EPRS1: variants seen among roughly 807,000 people sequenced by gnomAD.
The protein encoded by EPRS1 is bifunctional glutamate/proline--tRNA ligase.
Under a neutral mutation model 188.3 loss-of-function variants are expected in EPRS1, and 107 were observed. The ratio of observed to expected loss-of-function variants is 0.57; its 90% CI spans 0.49 to 0.67. EPRS1 has a LOEUF of 0.67. Ranked by LOEUF, EPRS1 falls within the 30% of genes least tolerant of loss-of-function variation. The pLI is 0.00. For missense variants in EPRS1, 1,577 were observed against 1,802.2 expected (o/e 0.88, Z 2.26); for synonymous variants, 596 against 593.1 (o/e 1.00, Z -0.07).
At chr1:220,038,395 T>TTTTTTC (rs1662229072) in intron 2 of EPRS1, among the ~76,000 whole-genome samples, 1 of 140,512 alleles carries the variant, frequency 7.1e-6, no homozygotes, top group Admixed American at 7.1e-5. Context: ...TTTATCTTTT[T>TTTTTTC]TTTTTTTTTT....
chr1:219,975,247 C>G (rs796222035), intron 28 of EPRS1, among the ~76,000 whole-genome samples: 4 of 152,158 alleles, frequency 2.6e-5, no homozygotes, highest in African/African-American at 9.6e-5. Context: ...ACAGAGCCCA[C>G]GAGGGATAAG....
At chr1:220,028,998 T>C (rs1053989802) in intron 6 of EPRS1, among the ~76,000 whole-genome samples, 6 of 152,128 alleles carry the variant, frequency 3.9e-5, no homozygotes, top group Non-Finnish European at 5.9e-5. Context: ...TATTATACTG[T>C]AAATATACAA....
chr1:220,037,662 A>C (rs1662212987), intron 2 of EPRS1, among the ~76,000 whole-genome samples: 1 of 152,132 alleles, frequency 6.6e-6, no homozygotes, highest in Non-Finnish European at 1.5e-5. Flanking sequence ...AGGATTTCCA[A>C]GTTTCCACAA....
chr1:220,006,871 A>G (rs1558053104), intron 14 of EPRS1, among the ~76,000 whole-genome samples: 1 of 152,258 alleles, frequency 6.6e-6, no homozygotes, highest in Admixed American at 6.5e-5. Context: ...TGTTATACAT[A>G]TAAATTCTGT....
intron 3 of EPRS1, among the ~76,000 whole-genome samples, chr1:220,034,291 T>C (rs1004096691): frequency 2.6e-5 from 4 of 152,158 alleles, no homozygotes; most frequent in African/African-American, 4.8e-5. Context: ...AACTTGCCAG[T>C]ATAGGTTTGT....
intron 28 of EPRS1, among the ~76,000 whole-genome samples, chr1:219,975,112 CAAA>C (rs1660751766): frequency 6.6e-6 from 1 of 152,058 alleles, no homozygotes; most frequent in Non-Finnish European, 1.5e-5. Flanking sequence ...GGCATGATGG[CAAA>C]ATGCAATAGG....
chr1:220,018,162 A>G, intron 12 of EPRS1: 2 of 1,383,138 alleles, frequency 1.4e-6, no homozygotes, highest in Non-Finnish European at 1.9e-6. Context: ...AAGCAGAAAA[A>G]TGAAATGCAG....
intron 16 of EPRS1, among the ~76,000 whole-genome samples, chr1:220,004,926 G>C (rs973762867): frequency 2.0e-5 from 3 of 151,876 alleles, no homozygotes; most frequent in African/African-American, 7.3e-5. Context: ...CAAAGAAAAA[G>C]ATAATGGTAA....
At chr1:220,004,182 C>T (rs1186663971) in intron 16 of EPRS1, among the ~76,000 whole-genome samples, 2 of 152,058 alleles carry the variant, frequency 1.3e-5, no homozygotes, top group African/African-American at 4.8e-5. Context: ...TGTGTACCAC[C>T]ATGCCTGGTT....
At chr1:220,019,900 A>T in intron 10 of EPRS1, 88 bp downstream of exon 10, 1 of 882,674 alleles carries the variant, frequency 1.1e-6, no homozygotes, top group Non-Finnish European at 1.8e-6. Context: ...CCTCCTCCCA[A>T]TCACCTTCCC....
intron 18 of EPRS1, among the ~76,000 whole-genome samples, chr1:219,996,637 A>T (rs6669531): frequency 6.6e-6 from 1 of 152,184 alleles, no homozygotes; most frequent in Admixed American, 6.5e-5. Flanking sequence ...GGCTGCTTCT[A>T]CTTCAGGATG....
At chr1:220,042,016 C>A (rs1193417628) in intron 1 of EPRS1, among the ~76,000 whole-genome samples, 1 of 151,922 alleles carries the variant, frequency 6.6e-6, no homozygotes. Flanking sequence ...AGAGTCTCTA[C>A]TAAAAATACT....
chr1:220,022,552 T>C (rs1661897957), intron 8 of EPRS1, 34 bp from the exon 9 acceptor site: 1 of 1,511,956 alleles, frequency 6.6e-7, no homozygotes, highest in South Asian at 1.2e-5. Context: ...GGTTCACTAA[T>C]CTGGTTAAAT....
rs191430763 is a variant in EPRS1, at chr1:220,032,081, C to T, written c.528+306G>A. Among the ~76,000 whole-genome samples the T allele has an allele frequency of 5.5e-3, 812 of 146,672 alleles. 7 individuals are homozygous for T. Among genetic ancestry groups the T allele is most frequent in the African/African-American group, 0.02 (788 of 40,408 alleles). ...GGCCTCAGACAGACTGAAATGTCAT[C>T]TTTTTTTTTTTGAGATAGAGTCTCG... On this transcript the variant is annotated intron_variant, in intron 5 of 31. Transcript: ENST00000366923.
At chr1:220,005,807 T>A (rs977307835) in intron 15 of EPRS1, among the ~76,000 whole-genome samples, 1 of 148,588 alleles carries the variant, frequency 6.7e-6, no homozygotes. Context: ...ATGGAAACAT[T>A]ACTTACATCG....
intron 12 of EPRS1, among the ~76,000 whole-genome samples, chr1:220,017,795 TAA>T (rs879843325): frequency 7.0e-6 from 1 of 142,216 alleles, no homozygotes. Flanking sequence ...AAGAAACAGT[TAA>T]AAAAAAAAAA....
intron 12 of EPRS1, 117 bp downstream of exon 12, chr1:220,018,332 C>A: frequency 9.9e-7 from 1 of 1,008,816 alleles, no homozygotes; most frequent in Non-Finnish European, 1.5e-6. Flanking sequence ...TGAAAGTCTG[C>A]AAAATGTTAA....
chr1:219,969,229 C>T, intron 30 of EPRS1, 107 bp from the exon 31 acceptor site: 1 of 772,330 alleles, frequency 1.3e-6, no homozygotes, highest in East Asian at 2.6e-5. Context: ...AAGGATAGGT[C>T]TCCCAACCTT....
chr1:220,022,482 T>C lies in EPRS1; in HGVS notation c.980A>G (p.Lys327Arg). 2 of 1,613,868 alleles carry C rather than the reference T, an allele frequency of 1.2e-6. No individual in the cohort carries two copies. The highest frequency in any genetic ancestry group is 1.1e-5 in the South Asian group (1 of 91,016). The change falls in exon 9 of 32, where the codon AAA becomes AGA. Residue 327 changes from lysine to arginine, a missense_variant. By Grantham distance (26) the Lys-to-Arg change is conservative. This residue lies in a region of EPRS1 where 1,278 missense variants were observed against 1,457.4 expected (regional missense o/e 0.88). Transcript: ENST00000366923. ...EKNLQMWEEM[K>R]KGSQFGQSCC... is the part of the protein sequence containing the mutation. ...GGACTGACCAAACTGGCTCCCTTTT[T>C]TCATTTCTTCCCACATTTGTAGATT...
Sources: gnomAD v4.1 joint callset for allele counts (sites outside exome capture counted in the v4.1 genomes callset) on GRCh38, gnomAD v4.1.1 for gene constraint, gnomAD v4.1.1 regional missense constraint, MANE v1.5 for transcripts, NCBI Gene and HGNC (gene_info 2026-07-23, HGNC 2026-07-21) for gene names.